TUBGCP4: variants seen among roughly 807,000 people sequenced by gnomAD.
TUBGCP4 encodes gamma-tubulin complex component 4.
In TUBGCP4, 54 loss-of-function variants were observed where a neutral mutation model predicts 91.6. That is an observed-to-expected ratio of 0.59 (90% CI 0.47 to 0.74). The LOEUF is 0.74. Among genes scored for constraint, TUBGCP4 ranks in the 30% least tolerant of loss-of-function variants. TUBGCP4 has a pLI of 0.00. For synonymous variants in TUBGCP4, 297 were observed against 302.8 expected (o/e 0.98, Z 0.20); for missense variants, 593 against 800.9 (o/e 0.74, Z 3.13).
chr15:43,392,075 TAC>T (rs3986231), intron 9 of TUBGCP4, among the ~76,000 whole-genome samples: 38,680 of 132,838 alleles, frequency 0.29, 5,243 homozygotes, highest in Non-Finnish European at 0.3. Flanking sequence ...AAAATAGAGA[TAC>T]ACACACACAC....
At chr15:43,381,225 A>AT (rs1379136511) in intron 6 of TUBGCP4, among the ~76,000 whole-genome samples, 1 of 152,208 alleles carries the variant, frequency 6.6e-6, no homozygotes, top group Admixed American at 6.5e-5. Context: ...AATGTAGATG[A>AT]TACTATATAT....
chr15:43,406,682 T>G lies in TUBGCP4; in HGVS notation c.*1468T>G. 2.2e-6 allele frequency: 1 copy of G among 447,132 alleles called. No individual in the cohort carries two copies. The highest frequency in any genetic ancestry group is 1.6e-5 in the South Asian group (1 of 62,494). 27.7% of individuals were successfully genotyped at this position (447,132 alleles called of 1,614,324 possible). On this transcript the variant is annotated 3_prime_UTR_variant, in exon 18 of 18. Coordinates refer to ENST00000564079, the MANE Select transcript of TUBGCP4 (RefSeq NM_014444.5). ...ATGCCAGAGGAAGGGAAGGAACTGC[T>G]TCCAGCTATTGTGACAATAATAATA...
chr15:43,386,076 T>C (rs942403025), intron 8 of TUBGCP4, 120 bp downstream of exon 8: 57 of 1,521,952 alleles, frequency 3.7e-5, no homozygotes, highest in Non-Finnish European at 4.9e-5. Flanking sequence ...CCTGAGATTG[T>C]AGCAGAATCA....
Position 43,404,462 on chromosome 15 carries a change from G to A in TUBGCP4, c.1898G>A (p.Arg633Gln), listed in dbSNP as rs749524739. ...CTGTTCAAGATTCTCTCCAGTGTTC[G>A]GAATCATCAGATCAACTCAGATTTG... ...SLLFKILSSV[R>Q]NHQINSDLAQ... The change falls in exon 17 of 18, where the codon CGG becomes CAG. Residue 633 changes from arginine (R) to glutamine (Q), a missense_variant. Transcript: ENST00000564079. 21 of 1,613,998 alleles carry A rather than the reference G, an allele frequency of 1.3e-5. No homozygotes were observed. Among genetic ancestry groups the A allele is most frequent in the Admixed American group, 5.0e-5 (3 of 59,996 alleles).
intron 4 of TUBGCP4, 88 bp from the exon 5 acceptor site, chr15:43,377,759 A>G (rs964021959): frequency 1.2e-5 from 13 of 1,067,618 alleles, no homozygotes; most frequent in Non-Finnish European, 1.4e-5. Flanking sequence ...CTTAAGTTGA[A>G]CTATTTAGAA....
chr15:43,401,069 CTTA>C (rs1425133599), intron 14 of TUBGCP4, among the ~76,000 whole-genome samples: 1 of 152,124 alleles, frequency 6.6e-6, no homozygotes, highest in Non-Finnish European at 1.5e-5. Flanking sequence ...TGACTTGCCC[CTTA>C]TTTTTATTGT....
Position 43,405,190 on chromosome 15 carries a change from T to A in TUBGCP4, c.1989-12T>A, listed in dbSNP as rs773036921. 1 of 1,614,186 alleles carries A rather than the reference T, an allele frequency of 6.2e-7. No homozygotes were observed. The highest frequency in any genetic ancestry group is 2.2e-5 in the East Asian group (1 of 44,876). On this transcript the variant is annotated splice_polypyrimidine_tract_variant and intron_variant, in intron 17 of 17. Transcript: ENST00000564079. ...GCATGACACTTAATAAGGCTCTTTT[T>A]CTCTTTTGTAGTTTCGGGATGTGAA... is the stretch of plus-strand genomic sequence containing the variant.
At chr15:43,374,658 T>C (rs1253980729) in intron 1 of TUBGCP4, among the ~76,000 whole-genome samples, 6 of 152,180 alleles carry the variant, frequency 3.9e-5, no homozygotes, top group Non-Finnish European at 2.9e-5. Context: ...CTAGCAGTTC[T>C]ACTTCAGGGT....
Position 43,407,897 on chromosome 15 carries a change from A to G in TUBGCP4, c.*2683A>G. 4 of 1,577,836 alleles carry G rather than the reference A, an allele frequency of 2.5e-6. No individual in the cohort carries two copies. Among genetic ancestry groups the G allele is most frequent in the Non-Finnish European group, 3.4e-6 (4 of 1,162,898 alleles). On this transcript the variant is annotated 3_prime_UTR_variant, in exon 18 of 18. Transcript: ENST00000564079. Reference sequence around the variant, plus strand: ...CACAAGGCCTAACACCTACAGGTCTAAGGAGATCCCTGGAACAAAGACACT... The same window carrying G: ...CACAAGGCCTAACACCTACAGGTCTGAGGAGATCCCTGGAACAAAGACACT...
In TUBGCP4 at chr15:43,407,757, T is replaced by C; in HGVS notation, c.*2543T>C. The stretch of plus-strand genomic sequence containing the variant: ...TCACTATGTGCTGACCTTGTAGAAA[T>C]ATTTAACAAATATACGTCCAGTGCT... On this transcript the variant is annotated 3_prime_UTR_variant, in exon 18 of 18. Transcript: ENST00000564079. 1.3e-6 allele frequency: 1 copy of C among 783,474 alleles called. No individual in the cohort carries two copies. The highest frequency in any genetic ancestry group is 2.0e-6 in the Non-Finnish European group (1 of 500,072). 48.5% of individuals were successfully genotyped at this position (783,474 alleles called of 1,614,324 possible). A position where few individuals can be genotyped will look rare whatever the true frequency, so the allele number is the denominator to read the frequency against.
chr15:43,397,497 G>T (rs1390824059), intron 12 of TUBGCP4, among the ~76,000 whole-genome samples, 176 bp downstream of exon 12: 1 of 152,106 alleles, frequency 6.6e-6, no homozygotes, highest in African/African-American at 2.4e-5. Context: ...GAGAGGCTAA[G>T]TGAGATGCCC....
intron 6 of TUBGCP4, among the ~76,000 whole-genome samples, chr15:43,381,804 C>T (rs1392548621): frequency 6.6e-6 from 1 of 152,074 alleles, no homozygotes; most frequent in Non-Finnish European, 1.5e-5. Context: ...ACATTTGCCA[C>T]GTTTGATTTC....
At chr15:43,384,137 C>T (rs2044323516) in intron 7 of TUBGCP4, among the ~76,000 whole-genome samples, 1 of 152,120 alleles carries the variant, frequency 6.6e-6, no homozygotes, top group African/African-American at 2.4e-5. Flanking sequence ...TTAGACTCCT[C>T]AAAGTTCTAC....
rs1374934940 is a variant in TUBGCP4 at position 43,371,386 on chromosome 15, G to T, written c.32G>T (p.Gly11Val). 6.2e-7 allele frequency: 1 copy of T among 1,613,986 alleles called. No individual in the cohort carries two copies. The highest frequency in any genetic ancestry group is 8.5e-7 in the Non-Finnish European group (1 of 1,180,012). The change falls in exon 1 of 18, where the codon GGG becomes GTG. Residue 11 changes from glycine to valine, a missense_variant. Transcript: ENST00000564079. ...CACGAACTGCTCTTGGCTCTGAGCG[G>T]GTACCCTGGGTCCATTTTCACCTGG... is the stretch of plus-strand genomic sequence containing the variant. Reference protein sequence around the residue: MIHELLLALSGYPGSIFTWNK... With the variant: MIHELLLALSVYPGSIFTWNK...
chr15:43,402,862 C>G (rs909471443), intron 15 of TUBGCP4: 1 of 152,230 alleles, frequency 6.6e-6, no homozygotes, highest in Non-Finnish European at 1.5e-5. Flanking sequence ...CAGTGTGCTA[C>G]AGCACAGCTG....
chr15:43,406,664 A>C lies in TUBGCP4; in HGVS notation c.*1450A>C. 2.2e-6 allele frequency: 1 copy of C among 452,980 alleles called. No individual in the cohort carries two copies. Among genetic ancestry groups the C allele is most frequent in the South Asian group, 1.6e-5 (1 of 63,670 alleles). 28.1% of individuals were successfully genotyped at this position (452,980 alleles called of 1,614,324 possible). A position where few individuals can be genotyped will look rare whatever the true frequency, so the allele number is the denominator to read the frequency against. ...GCCATGCAGGGATCAGTGATGCCAG[A>C]GGAAGGGAAGGAACTGCTTCCAGCT... On this transcript the variant is annotated 3_prime_UTR_variant, in exon 18 of 18. Coordinates refer to ENST00000564079, the MANE Select transcript of TUBGCP4 (RefSeq NM_014444.5).
intron 9 of TUBGCP4, among the ~76,000 whole-genome samples, chr15:43,386,583 GGT>G (rs986747770): frequency 6.7e-6 from 1 of 148,406 alleles, no homozygotes; most frequent in African/African-American, 2.5e-5. Context: ...AAATTAGTCG[GGT>G]GTGGTGGCAT....
intron 9 of TUBGCP4, among the ~76,000 whole-genome samples, chr15:43,389,454 G>A (rs940399948): frequency 5.3e-5 from 8 of 151,856 alleles, no homozygotes; most frequent in African/African-American, 1.7e-4. Flanking sequence ...TGAACTCCTC[G>A]GCTCAGGTGG....
intron 7 of TUBGCP4, among the ~76,000 whole-genome samples, chr15:43,383,840 G>A (rs568996235): frequency 4.0e-4 from 61 of 151,260 alleles, no homozygotes; most frequent in Non-Finnish European, 7.7e-4. Context: ...CTCACCCATC[G>A]CCCAGGCTGG....
Sources: allele counts gnomAD v4.1 joint callset (sites outside exome capture counted in the v4.1 genomes callset), GRCh38; gene constraint gnomAD v4.1.1; transcripts MANE v1.5; gene names NCBI Gene and HGNC (gene_info 2026-07-23, HGNC 2026-07-21).